BPIFB1: variants seen among roughly 807,000 people sequenced by gnomAD.
BPIFB1 encodes the protein BPI fold-containing family B member 1.
A neutral mutation model predicts 55.1 loss-of-function variants in BPIFB1; 34 were observed. That is an observed-to-expected ratio of 0.62 (90% CI 0.47 to 0.82). The LOEUF is 0.82. Among genes scored for constraint, BPIFB1 ranks in the 40% least tolerant of loss-of-function variants. The pLI, the probability that BPIFB1 is intolerant of heterozygous loss-of-function variation, is 0.00. For synonymous variants in BPIFB1, 236 were observed against 245.3 expected, an observed-to-expected ratio of 0.96 and a Z score of 0.35; for missense variants, 532 against 593.1, an observed-to-expected ratio of 0.90 and a Z score of 1.07.
In BPIFB1 at chr20:33,290,993, G is replaced by A. The variant is rs140657571; in HGVS notation, c.402G>A (p.Thr134=). ...AGACCATCGTGGAGTTCCACATGACGACTGAGGCCCAAGCCACCATCCGCA... is the reference window on the plus strand; with the variant it reads ...AGACCATCGTGGAGTTCCACATGACAACTGAGGCCCAAGCCACCATCCGCA... ...LVKTIVEFHM[T]TEAQATIRMD... Residue 134 remains threonine (T), a synonymous_variant, in exon 5 of 16, where the codon ACG becomes ACA. Coordinates refer to ENST00000253354, the MANE Select transcript of BPIFB1 (RefSeq NM_033197.3). 1.5e-5 allele frequency: 25 copies of A among 1,613,834 alleles called. No homozygotes were observed. Among genetic ancestry groups the A allele is most frequent in the Middle Eastern group, 1.6e-4 (1 of 6,084 alleles).
intron 1 of BPIFB1, among the ~76,000 whole-genome samples, chr20:33,284,369 A>G (rs532296054): frequency 1.1e-3 from 160 of 152,154 alleles, no homozygotes; most frequent in African/African-American, 3.5e-3. Context: ...CAGATTTCCA[A>G]TTCTTTCGGG....
intron 6 of BPIFB1, 109 bp downstream of exon 6, chr20:33,292,097 G>A: frequency 9.8e-7 from 1 of 1,018,618 alleles, no homozygotes; most frequent in Non-Finnish European, 1.5e-6. Context: ...GGTGGGTTTT[G>A]CTGAAAGAAT....
intron 7 of BPIFB1, chr20:33,299,311 G>C: frequency 2.5e-6 from 1 of 397,814 alleles, no homozygotes; most frequent in African/African-American, 2.1e-5. Flanking sequence ...CCACCTGGCG[G>C]CCAAGTGGGG....
At chr20:33,290,048 C>G in intron 4 of BPIFB1, 56 bp downstream of exon 4, 1 of 1,319,366 alleles carries the variant, frequency 7.6e-7, no homozygotes, top group Non-Finnish European at 1.1e-6. Flanking sequence ...TGCTCGTTCC[C>G]CCTCCCCCGC....
chr20:33,295,481 C>G (rs1323783309), intron 6 of BPIFB1, among the ~76,000 whole-genome samples: 1 of 151,758 alleles, frequency 6.6e-6, no homozygotes, highest in Non-Finnish European at 1.5e-5. Flanking sequence ...TGGTGGGCGC[C>G]TGTAATCCCA....
intron 6 of BPIFB1, among the ~76,000 whole-genome samples, chr20:33,293,299 C>G (rs1980532647): frequency 6.6e-6 from 1 of 151,950 alleles, no homozygotes; most frequent in Admixed American, 6.6e-5. Flanking sequence ...TTACTTTCAC[C>G]CAGGAGCGCT....
At chr20:33,306,507 G>A (rs1310232257) in intron 14 of BPIFB1, 5 of 315,932 alleles carry the variant, frequency 1.6e-5, no homozygotes, top group Non-Finnish European at 3.0e-5. Flanking sequence ...GGCACAGTCA[G>A]TGCCCAACAC....
intron 6 of BPIFB1, among the ~76,000 whole-genome samples, chr20:33,295,681 A>AAAGAAAGAAAGAAAGAAAGAAAGG (rs1288787218): frequency 6.0e-5 from 9 of 149,724 alleles, no homozygotes; most frequent in African/African-American, 2.3e-4. Flanking sequence ...AGAAAGAAAG[A>AAAGAAAGAAAGAAAGAAAGAAAGG]GAGAAAAAAA....
chr20:33,306,116 C>A, intron 14 of BPIFB1, 51 bp downstream of exon 14: 1 of 1,591,506 alleles, frequency 6.3e-7, no homozygotes, highest in Admixed American at 1.7e-5. Flanking sequence ...CTTGGCTTTA[C>A]TTCCCCTGCC....
Position 33,304,018 on chromosome 20 carries a change from A to G in BPIFB1, c.1201A>G (p.Asn401Asp), listed in dbSNP as rs1980938217. Residue 401 changes from asparagine to aspartate, a missense_variant, in exon 12 of 16, where the codon AAC (asparagine) becomes GAC (aspartate). Transcript: ENST00000253354. ...KGDQLILNLN[N>D]ISSDRIQLMN... Reference sequence around the variant, plus strand: ...TGACCAACTTATACTCAACTTGAATAACATCAGGTAAACACACAAATCATC... The same window carrying G: ...TGACCAACTTATACTCAACTTGAATGACATCAGGTAAACACACAAATCATC... The G allele has an allele frequency of 1.9e-6, 3 of 1,612,520 alleles. No individual in the cohort carries two copies. Among genetic ancestry groups the G allele is most frequent in the Non-Finnish European group, 2.5e-6 (3 of 1,179,506 alleles).
intron 15 of BPIFB1, among the ~76,000 whole-genome samples, chr20:33,308,499 C>T (rs151308242): frequency 5.7e-4 from 85 of 150,236 alleles, no homozygotes; most frequent in East Asian, 1.8e-3. Context: ...TACATACACA[C>T]GCACATACAA....
intron 6 of BPIFB1, among the ~76,000 whole-genome samples, chr20:33,294,081 T>C: frequency 6.6e-6 from 1 of 152,228 alleles, no homozygotes; most frequent in East Asian, 1.9e-4. Context: ...GCTTCTGCAC[T>C]AGTAAAGCTT....
intron 8 of BPIFB1, 86 bp from the exon 9 acceptor site, chr20:33,301,147 C>T (rs1271928387): frequency 6.7e-6 from 9 of 1,350,520 alleles, no homozygotes; most frequent in Non-Finnish European, 6.1e-6. Context: ...AGGAAACAGG[C>T]TGAATGGTGT....
rs1275892142 is a variant in BPIFB1, at chr20:33,302,646, A to G, written c.981+234A>G. On this transcript the variant is annotated intron_variant, in intron 10 of 15. Transcript: ENST00000253354. ...TAACACAGGACAGGTTCTAGGGGCCATGAGAACACTCTGGGCCCCTGATAC... is the reference window on the plus strand; with the variant it reads ...TAACACAGGACAGGTTCTAGGGGCCGTGAGAACACTCTGGGCCCCTGATAC... The G allele has an allele frequency of 1.7e-5, 11 of 631,066 alleles. No individual in the cohort carries two copies. In the Admixed American group the frequency reaches 2.6e-4, roughly 15 times the overall value. 39.1% of individuals were successfully genotyped at this position (631,066 alleles called of 1,614,324 possible). A position where few individuals can be genotyped will look rare whatever the true frequency, so the allele number is the denominator to read the frequency against.
chr20:33,295,514 G>A (rs1198757925), intron 6 of BPIFB1, among the ~76,000 whole-genome samples: 1 of 151,582 alleles, frequency 6.6e-6, no homozygotes, highest in Non-Finnish European at 1.5e-5. Flanking sequence ...GATGAGGCAG[G>A]AGAATCAGAG....
intron 8 of BPIFB1, 53 bp downstream of exon 8, chr20:33,300,037 G>A (rs1318956502): frequency 1.3e-4 from 201 of 1,494,388 alleles, no homozygotes; most frequent in Non-Finnish European, 9.3e-6. Flanking sequence ...GCCCTTCTCT[G>A]ACCACCAGGA....
At chr20:33,305,313 T>G (rs1222495809) in intron 13 of BPIFB1, among the ~76,000 whole-genome samples, 1 of 130,958 alleles carries the variant, frequency 7.6e-6, no homozygotes, top group Non-Finnish European at 1.6e-5. Flanking sequence ...TCACTATTTT[T>G]GACTTTTTTT....
chr20:33,284,711 C>T (rs1012968544), intron 1 of BPIFB1, among the ~76,000 whole-genome samples: 2 of 152,140 alleles, frequency 1.3e-5, no homozygotes, highest in African/African-American at 4.8e-5. Flanking sequence ...GGGGCAGGAG[C>T]TTCCATGGGG....
intron 6 of BPIFB1, 70 bp downstream of exon 6, chr20:33,292,058 G>C: frequency 7.2e-7 from 1 of 1,394,200 alleles, no homozygotes; most frequent in Middle Eastern, 1.8e-4. Flanking sequence ...GGAACTGCAA[G>C]TTGGTGCTAA....
Sources: allele counts gnomAD v4.1 joint callset (sites outside exome capture counted in the v4.1 genomes callset), GRCh38; gene constraint gnomAD v4.1.1; transcripts MANE v1.5; gene names NCBI Gene and HGNC (gene_info 2026-07-23, HGNC 2026-07-21).